Variants in TNS3 observed in about 807,000 individuals in gnomAD.
TNS3 encodes tensin-3.
In TNS3, 45 loss-of-function variants were observed where a neutral mutation model predicts 140.9. That is an observed-to-expected ratio of 0.32 (90% CI 0.25 to 0.41). The LOEUF is 0.41. TNS3 is among the 10% of genes least tolerant of loss of function. The pLI, the probability that TNS3 is intolerant of heterozygous loss-of-function variation, is 1.00. For synonymous variants in TNS3, 815 were observed against 788.4 expected (o/e 1.03, Z -0.56); for missense variants, 1,716 against 1,906.7 (o/e 0.90, Z 1.86).
Position 47,283,878 on chromosome 7 carries a change from A to C in TNS3, c.3929-13T>G. ...CACACATTGCAGGCTGGAAGACACC[A>C]AGGGAGACACATGTTAGTTGCAACT... On this transcript the variant is annotated splice_polypyrimidine_tract_variant and intron_variant, in intron 27 of 30. Coordinates refer to ENST00000311160, the MANE Select transcript of TNS3 (RefSeq NM_022748.12). 1.3e-6 allele frequency: 2 copies of C among 1,565,310 alleles called. No individual in the cohort carries two copies. Among genetic ancestry groups the C allele is most frequent in the Non-Finnish European group, 1.7e-6 (2 of 1,158,034 alleles).
In TNS3 at chr7:47,435,272, G is replaced by C. The variant is rs1380857200; in HGVS notation, c.324+10C>G. 1 of 1,613,628 alleles carries C rather than the reference G, an allele frequency of 6.2e-7. No homozygotes were observed. The highest frequency in any genetic ancestry group is 8.5e-7 in the Non-Finnish European group (1 of 1,179,924). On this transcript the variant is annotated intron_variant, in intron 8 of 30. Coordinates refer to ENST00000311160, the MANE Select transcript of TNS3 (RefSeq NM_022748.12). ...GCCAGACCCCCAAATGTGAGAGGGG[G>C]CGCACTCACCCTGCAGTGAATGACG...
At chr7:47,358,999 C>T (rs553525916) in intron 17 of TNS3, among the ~76,000 whole-genome samples, 3 of 152,134 alleles carry the variant, frequency 2.0e-5, no homozygotes, top group African/African-American at 4.8e-5. Flanking sequence ...AGTTCCCCAG[C>T]AAGTTACAGA....
intron 16 of TNS3, among the ~76,000 whole-genome samples, chr7:47,382,055 C>A (rs1447090635): frequency 1.3e-5 from 2 of 152,174 alleles, no homozygotes; most frequent in Non-Finnish European, 2.9e-5. Context: ...GCTAGGGGGT[C>A]CCAGCCTCCT....
chr7:47,547,494 C>T (rs930009967), intron 1 of TNS3, among the ~76,000 whole-genome samples: 4 of 152,040 alleles, frequency 2.6e-5, no homozygotes, highest in Non-Finnish European at 5.9e-5. Flanking sequence ...AATGGGGTTC[C>T]GGGAGCTGCT....
At chr7:47,439,779 G>A (rs17172860) in intron 5 of TNS3, 121 bp from the exon 6 acceptor site, 86,580 of 995,864 alleles carry the variant, frequency 0.087, 4,581 homozygotes, top group African/African-American at 0.22. Flanking sequence ...GCACCTGGGC[G>A]GCCAGCTACG....
At chr7:47,554,659 G>C (rs527490385) in intron 1 of TNS3, among the ~76,000 whole-genome samples, 2 of 152,208 alleles carry the variant, frequency 1.3e-5, no homozygotes, top group African/African-American at 2.4e-5. Context: ...AGATGTGACT[G>C]AATTGCTGCA....
intron 8 of TNS3, among the ~76,000 whole-genome samples, chr7:47,431,909 G>A (rs575704245): frequency 2.6e-4 from 39 of 152,142 alleles, no homozygotes; most frequent in Non-Finnish European, 5.6e-4. Context: ...GCAATAAATT[G>A]GATAACCTGG....
At chr7:47,453,491 C>A (rs1211517554) in intron 4 of TNS3, among the ~76,000 whole-genome samples, 1 of 152,248 alleles carries the variant, frequency 6.6e-6, no homozygotes, top group Non-Finnish European at 1.5e-5. Flanking sequence ...TCCTCTCCCC[C>A]AACCCCATTC....
chr7:47,523,646 G>A (rs1799072044), intron 2 of TNS3, among the ~76,000 whole-genome samples: 1 of 152,198 alleles, frequency 6.6e-6, no homozygotes, highest in Non-Finnish European at 1.5e-5. Context: ...CTGAAGGGCG[G>A]TGGCCCTCCT....
chr7:47,486,420 T>C (rs200106932), intron 3 of TNS3, among the ~76,000 whole-genome samples: 2 of 152,104 alleles, frequency 1.3e-5, no homozygotes, highest in African/African-American at 2.4e-5. Context: ...CTCTGTGTGT[T>C]TGTGTGTGTG....
At chr7:47,410,664 C>T (rs1423166565) in intron 13 of TNS3, among the ~76,000 whole-genome samples, 1 of 152,146 alleles carries the variant, frequency 6.6e-6, no homozygotes, top group Non-Finnish European at 1.5e-5. Context: ...CTAGGGGTTA[C>T]AGGGAAATTA....
rs1022266686 is a variant in TNS3 at position 47,529,122 on chromosome 7, T to A, written c.-239A>T. 7.8e-7 allele frequency: 1 copy of A among 1,286,726 alleles called. No individual in the cohort carries two copies. The highest frequency in any genetic ancestry group is 1.0e-6 in the Non-Finnish European group (1 of 987,912). 79.7% of individuals were successfully genotyped at this position (1,286,726 alleles called of 1,614,324 possible). On this transcript the variant is annotated 5_prime_UTR_variant, in exon 2 of 31. Transcript: ENST00000311160. ...TTTAAAGGCCTTGTTCTTAAAAGCGTGCAGACTCGAGGTTAATTCTTCCGG... is the reference window on the plus strand; with the variant it reads ...TTTAAAGGCCTTGTTCTTAAAAGCGAGCAGACTCGAGGTTAATTCTTCCGG...
At chr7:47,502,313 T>C (rs939412030) in intron 3 of TNS3, among the ~76,000 whole-genome samples, 1 of 152,116 alleles carries the variant, frequency 6.6e-6, no homozygotes, top group Non-Finnish European at 1.5e-5. Flanking sequence ...AAAGGAGTGA[T>C]CTGAAGATGA....
intron 20 of TNS3, among the ~76,000 whole-genome samples, chr7:47,313,553 G>GAGAGGAGC (rs1488799007): frequency 6.6e-6 from 1 of 152,212 alleles, no homozygotes; most frequent in Non-Finnish European, 1.5e-5. Context: ...AGTCATATAA[G>GAGAGGAGC]AGAGGAGCAC....
Position 47,275,190 on chromosome 7 carries a change from G to C in TNS3, c.*2886C>G, listed in dbSNP as rs1295225065. ...ATAATTTTATTATACTCTGAATAGA[G>C]ATGATATTTAAGGAGCAGAGAAAAT... is the stretch of plus-strand genomic sequence containing the variant. On this transcript the variant is annotated 3_prime_UTR_variant, in exon 31 of 31. Transcript: ENST00000311160. 1 of 152,628 alleles carries C rather than the reference G, an allele frequency of 6.6e-6. No homozygotes were observed. Among genetic ancestry groups the C allele is most frequent in the Non-Finnish European group, 1.5e-5 (1 of 68,050 alleles). 9.5% of individuals were successfully genotyped at this position (152,628 alleles called of 1,614,324 possible).
intron 20 of TNS3, among the ~76,000 whole-genome samples, chr7:47,328,499 C>CA (rs1788154610): frequency 6.6e-6 from 1 of 152,144 alleles, no homozygotes; most frequent in African/African-American, 2.4e-5. Flanking sequence ...CCTGCCCCTC[C>CA]AAAATCAAAC....
chr7:47,301,633 GAAAAA>G (rs113898295), intron 23 of TNS3, among the ~76,000 whole-genome samples: 1 of 95,858 alleles, frequency 1.0e-5, no homozygotes, highest in Non-Finnish European at 2.5e-5. Context: ...TTTCAAATTA[GAAAAA>G]AAAAAAAAAA....
At chr7:47,519,063 A>G (rs1006108332) in intron 2 of TNS3, among the ~76,000 whole-genome samples, 1 of 152,222 alleles carries the variant, frequency 6.6e-6, no homozygotes, top group African/African-American at 2.4e-5. Flanking sequence ...GAGTAGGGCC[A>G]GCCAGGCCTC....
At chr7:47,341,611 C>T (rs1381566926) in intron 20 of TNS3, among the ~76,000 whole-genome samples, 2 of 151,988 alleles carry the variant, frequency 1.3e-5, no homozygotes, top group African/African-American at 4.8e-5. Flanking sequence ...AATCTATGTC[C>T]TCCATTTTTT....
Sources: allele counts gnomAD v4.1 joint callset (sites outside exome capture counted in the v4.1 genomes callset), GRCh38; gene constraint gnomAD v4.1.1; transcripts MANE v1.5; gene names NCBI Gene and HGNC (gene_info 2026-07-23, HGNC 2026-07-21).